The following DNAH17 variants were observed in gnomAD, a reference collection of about 807,000 sequenced individuals.
DNAH17 encodes the protein dynein axonemal heavy chain 17.
DNAH17 carries 376 observed loss-of-function variants against 485.6 expected under a neutral mutation model. The observed-to-expected ratio is 0.77, with a 90% confidence interval of 0.71 to 0.84. The LOEUF is 0.84. Among genes scored for constraint, DNAH17 ranks in the 40% least tolerant of loss-of-function variants. The pLI, the probability that DNAH17 is intolerant of heterozygous loss-of-function variation, is 0.00. For synonymous variants in DNAH17, 3,031 were observed against 2,405.9 expected (o/e 1.26, Z -7.60); for missense variants, 6,370 against 5,839.3 (o/e 1.09, Z -2.96).
At chr17:78,484,387 C>G (rs1035562157) in intron 48 of DNAH17, among the ~76,000 whole-genome samples, 1 of 152,140 alleles carries the variant, frequency 6.6e-6, no homozygotes, top group East Asian at 1.9e-4. Context: ...CCACAGCCAG[C>G]AGGACACTGC....
chr17:78,505,578 T>G (rs544359569), intron 30 of DNAH17, 133 bp from the exon 31 acceptor site: 1 of 1,142,856 alleles, frequency 8.8e-7, no homozygotes, highest in Non-Finnish European at 1.2e-6. Flanking sequence ...CAACGTTGAC[T>G]AAACATGACT....
chr17:78,526,002 G>A (rs1229853273), intron 24 of DNAH17, among the ~76,000 whole-genome samples: 1 of 152,224 alleles, frequency 6.6e-6, no homozygotes. Flanking sequence ...GCAGTACCTG[G>A]GCACCGTACT....
Position 78,501,800 on chromosome 17 carries a change from G to C in DNAH17, c.5264C>G (p.Thr1755Ser), listed in dbSNP as rs757901460. ...TGCGTGCACATCGATGGTGCAGATGGTCATGATCTTCATCCTGTCGCCAGC... is the reference window on the plus strand; with the variant it reads ...TGCGTGCACATCGATGGTGCAGATGCTCATGATCTTCATCCTGTCGCCAGC... ...LNAGDRMKIMTICTIDVHARD... is the reference protein window; with the variant it reads ...LNAGDRMKIMSICTIDVHARD... The change falls in exon 34 of 81, where the codon ACC becomes AGC. Residue 1755 changes from threonine to serine, a missense_variant. Physicochemically the swap from Thr to Ser is moderately conservative, Grantham distance 58. Coordinates refer to ENST00000389840, the MANE Select transcript of DNAH17 (RefSeq NM_173628.4). 56 of 1,613,892 alleles carry C rather than the reference G, an allele frequency of 3.5e-5. No homozygotes were observed. Among genetic ancestry groups the C allele is most frequent in the Non-Finnish European group, 4.7e-5 (55 of 1,179,908 alleles).
intron 19 of DNAH17, among the ~76,000 whole-genome samples, chr17:78,533,460 G>A (rs919499417): frequency 2.6e-5 from 4 of 152,178 alleles, no homozygotes; most frequent in African/African-American, 9.7e-5. Context: ...GTGGGAGGAG[G>A]CAGCGTGTTA....
At chr17:78,515,792 C>G (rs549691188) in intron 25 of DNAH17, among the ~76,000 whole-genome samples, 1 of 152,240 alleles carries the variant, frequency 6.6e-6, no homozygotes, top group Non-Finnish European at 1.5e-5. Context: ...CTTGGAACTA[C>G]AGCATGCACT....
At chr17:78,456,918 T>A (rs1339101857) in intron 62 of DNAH17, among the ~76,000 whole-genome samples, 1 of 152,208 alleles carries the variant, frequency 6.6e-6, no homozygotes, top group Non-Finnish European at 1.5e-5. Flanking sequence ...CTTGCAGGCC[T>A]GGAACAGACT....
chr17:78,515,691 G>C (rs1013653494), intron 25 of DNAH17, among the ~76,000 whole-genome samples: 17 of 152,170 alleles, frequency 1.1e-4, no homozygotes, highest in African/African-American at 4.1e-4. Context: ...CATTCCCCTT[G>C]CCTGCCTTGG....
At chr17:78,428,440 G>C in intron 77 of DNAH17, 85 bp downstream of exon 77, 3 of 1,491,952 alleles carry the variant, frequency 2.0e-6, no homozygotes, top group Non-Finnish European at 2.7e-6. Flanking sequence ...AAGTTCCCCT[G>C]TACTGCCGCC....
intron 62 of DNAH17, among the ~76,000 whole-genome samples, chr17:78,456,815 C>T (rs2087823497): frequency 6.6e-6 from 1 of 152,130 alleles, no homozygotes; most frequent in Admixed American, 6.5e-5. Flanking sequence ...CCCGGGGCAC[C>T]ACCCTGAAGA....
chr17:78,460,336 A>ATGTGTGTGCATGTGTGTGCATG, intron 58 of DNAH17, 79 bp from the exon 59 acceptor site: 1 of 894,714 alleles, frequency 1.1e-6, no homozygotes, highest in Non-Finnish European at 1.7e-6. Flanking sequence ...ATGTGTGTGC[A>ATGTGTGTGCATGTGTGTGCATG]TGTGTGTGCA....
chr17:78,463,325 C>T (rs2088236500), intron 56 of DNAH17, among the ~76,000 whole-genome samples: 1 of 152,260 alleles, frequency 6.6e-6, no homozygotes. Flanking sequence ...CTCTGACACA[C>T]AGACGCATAC....
chr17:78,521,942 T>C (rs1178246121), intron 25 of DNAH17, among the ~76,000 whole-genome samples: 1 of 152,094 alleles, frequency 6.6e-6, no homozygotes, highest in Non-Finnish European at 1.5e-5. Context: ...GTTGAGATCG[T>C]GCCACTGTAC....
intron 48 of DNAH17, among the ~76,000 whole-genome samples, chr17:78,483,752 C>T (rs767312297): frequency 2.0e-4 from 31 of 152,186 alleles, no homozygotes; most frequent in Non-Finnish European, 3.1e-4. Context: ...GCTTCATGAA[C>T]GAGCAGACTA....
At chr17:78,552,248 C>A (rs554352006) in intron 15 of DNAH17, among the ~76,000 whole-genome samples, 3 of 152,094 alleles carry the variant, frequency 2.0e-5, no homozygotes, top group Non-Finnish European at 4.4e-5. Flanking sequence ...GCCAGGGGGT[C>A]GGGGGCCTTC....
Position 78,462,974 on chromosome 17 carries a change from G to A in DNAH17, c.9044C>T (p.Thr3015Ile), listed in dbSNP as rs183350154. 29 of 1,613,998 alleles carry A rather than the reference G, an allele frequency of 1.8e-5. No individual in the cohort carries two copies. In the Admixed American group the frequency reaches 3.2e-4, roughly 18 times the overall value. The change falls in exon 57 of 81, where the codon ACC (threonine) becomes ATC (isoleucine). Residue 3015 changes from threonine to isoleucine, a missense_variant. Transcript: ENST00000389840. ...CTGCTCCAGAAAGGTTTTGGGTGTGGTGTAGTTGTAGCGCCTCTCAGTAGC... is the reference window on the plus strand; with the variant it reads ...CTGCTCCAGAAAGGTTTTGGGTGTGATGTAGTTGTAGCGCCTCTCAGTAGC... Reference protein sequence around the residue: ...YLATERRYNYTTPKTFLEQIK... With the variant: ...YLATERRYNYITPKTFLEQIK...
rs750018638 is a variant in DNAH17, at chr17:78,486,821, G to A, written c.6819-315C>T. Reference sequence around the variant, plus strand: ...CGGGAAGCACATACCAAGGGCTGGTGGATGGGGCAGAACAGAAAAGGAGAA... The same window carrying A: ...CGGGAAGCACATACCAAGGGCTGGTAGATGGGGCAGAACAGAAAAGGAGAA... On this transcript the variant is annotated intron_variant, in intron 44 of 80. Transcript: ENST00000389840. Among the ~76,000 whole-genome samples, 16 of 152,156 alleles carry A rather than the reference G, an allele frequency of 1.1e-4. No homozygotes were observed. In the East Asian group the frequency reaches 1.7e-3, roughly 16 times the overall value.
At chr17:78,482,335 T>A (rs984858645) in intron 48 of DNAH17, among the ~76,000 whole-genome samples, 3 of 152,202 alleles carry the variant, frequency 2.0e-5, no homozygotes, top group Admixed American at 1.3e-4. Flanking sequence ...ACTTTTGTTT[T>A]TTTCCCCCAT....
intron 68 of DNAH17, 145 bp downstream of exon 68, chr17:78,450,109 A>G: frequency 1.0e-6 from 1 of 984,728 alleles, no homozygotes; most frequent in Admixed American, 2.6e-5. Context: ...CCCCTCTTCC[A>G]GCTCCATCTG....
At chr17:78,558,064 C>G (rs1266445068) in intron 14 of DNAH17, 44 bp downstream of exon 14, 1 of 1,560,778 alleles carries the variant, frequency 6.4e-7, no homozygotes, top group Non-Finnish European at 8.7e-7. Flanking sequence ...AAAACCAAAA[C>G]AATACAAAGC....
Sources: allele counts gnomAD v4.1 joint callset (sites outside exome capture counted in the v4.1 genomes callset), GRCh38; gene constraint gnomAD v4.1.1; transcripts MANE v1.5; gene names NCBI Gene and HGNC (gene_info 2026-07-23, HGNC 2026-07-21).